Variants in USP47 observed in about 807,000 individuals in gnomAD.
The protein encoded by USP47 is ubiquitin carboxyl-terminal hydrolase 47.
Under a neutral mutation model 165.1 loss-of-function variants are expected in USP47, and 35 were observed. The observed-to-expected ratio is 0.21, with a 90% CI of 0.16 to 0.28. The LOEUF (loss-of-function observed/expected upper bound fraction) is 0.28, where lower values mean the gene tolerates loss of function less well. Ranked by LOEUF, USP47 falls within the 10% of genes least tolerant of loss-of-function variation. USP47 has a pLI of 1.00. For missense variants in USP47, 1,277 were observed against 1,607.4 expected (o/e 0.79, Z 3.52); for synonymous variants, 531 against 544.5 (o/e 0.98, Z 0.35).
chr11:11,938,202 G>A, intron 17 of USP47, 55 bp from the exon 18 acceptor site: 3 of 1,500,056 alleles, frequency 2.0e-6, no homozygotes, highest in Admixed American at 1.7e-5. Context: ...TTACTCATGT[G>A]AAATACATTA....
intron 1 of USP47, among the ~76,000 whole-genome samples, chr11:11,865,139 T>G (rs1056426529): frequency 2.0e-5 from 3 of 152,198 alleles, no homozygotes; most frequent in Admixed American, 2.0e-4. Flanking sequence ...TGGATTTCTT[T>G]AGGTTTACCT....
chr11:11,889,864 A>C (rs1013249873), intron 3 of USP47, among the ~76,000 whole-genome samples: 1 of 152,160 alleles, frequency 6.6e-6, no homozygotes, highest in African/African-American at 2.4e-5. Context: ...AGACACATAG[A>C]CCAATGGAAC....
chr11:11,922,159 A>T lies in USP47; in HGVS notation c.1219-565A>T, dbSNP rs1186988277. 4.3e-5 allele frequency among the ~76,000 whole-genome samples: 5 copies of T among 117,514 alleles called. No individual in the cohort carries two copies. The East Asian group carries it at 1.1e-3, about 25-fold the overall frequency. The allele number at this position is 117,514 out of a possible 152,430, so 77.1% of individuals were successfully genotyped here. A position where few individuals can be genotyped will look rare whatever the true frequency, so the allele number is the denominator to read the frequency against. ...AATTCTTCAAATTAAATTTGTGTGAATGTGGTTTAAAACCATAAAGTAGAA... is the reference window on the plus strand; with the variant it reads ...AATTCTTCAAATTAAATTTGTGTGATTGTGGTTTAAAACCATAAAGTAGAA... On this transcript the variant is annotated intron_variant, in intron 10 of 27. Coordinates refer to ENST00000527733, the MANE Select transcript of USP47 (RefSeq NM_001282659.2).
At position 11,905,512 on chromosome 11, in the gene USP47, C is replaced by T; in HGVS notation, c.933C>T (p.Ile311=). The change falls in exon 8 of 28, where the codon ATC becomes ATT. Residue 311 remains isoleucine, a synonymous_variant. Coordinates refer to ENST00000527733, the MANE Select transcript of USP47 (RefSeq NM_001282659.2). The stretch of plus-strand genomic sequence containing the variant: ...CATATCTTGATATTCCATTGGTCAT[C>T]CGACCTTATGGGTCCAGCCAAGCAT... The part of the protein sequence containing the change: ...IDTYLDIPLV[I]RPYGSSQAFA... 1 of 1,608,726 alleles carries T rather than the reference C, an allele frequency of 6.2e-7. No individual in the cohort carries two copies. The highest frequency in any genetic ancestry group is 8.5e-7 in the Non-Finnish European group (1 of 1,176,324).
At position 11,888,360 on chromosome 11, in the gene USP47, C is replaced by G. The variant is rs142554828; in HGVS notation, c.358-3608C>G. Among the ~76,000 whole-genome samples, 880 of 152,040 alleles carry G rather than the reference C, an allele frequency of 5.8e-3. 7 individuals are homozygous for G. The highest frequency in any genetic ancestry group is 0.02 in the African/African-American group (844 of 41,510). The stretch of plus-strand genomic sequence containing the variant: ...AAGAGAAGAATCAAATAAACACAAT[C>G]AGAAACGATAAGGGGGATATCACCA... On this transcript the variant is annotated intron_variant, in intron 3 of 27. Transcript: ENST00000527733.
At chr11:11,854,979 C>T (rs1338158003) in intron 1 of USP47, among the ~76,000 whole-genome samples, 1 of 151,022 alleles carries the variant, frequency 6.6e-6, no homozygotes, top group Non-Finnish European at 1.5e-5. Flanking sequence ...CCTGTAGTCC[C>T]AGCTACTCGG....
intron 1 of USP47, among the ~76,000 whole-genome samples, chr11:11,870,762 G>T (rs1278124331): frequency 1.3e-5 from 2 of 152,080 alleles, no homozygotes; most frequent in African/African-American, 2.4e-5. Flanking sequence ...TTTCTCTTTT[G>T]ATTCTTTTTC....
rs71037046 is a variant in USP47, at chr11:11,871,501, C to CAAAAAAAAAAA, written c.40-8649_40-8639dup. 4.9e-4 allele frequency among the ~76,000 whole-genome samples: 31 copies of CAAAAAAAAAAA among 63,154 alleles called. 1 individual carries two copies. The highest frequency in any genetic ancestry group is 8.7e-4 in the Non-Finnish European group (26 of 29,780). The allele number at this position is 63,154 out of a possible 152,430, so 41.4% of individuals were successfully genotyped here. ...CTGGCAACAGAGCGAAACTCCCTCT[C>CAAAAAAAAAAA]AAAAAAAAAAAAAAAAAAAAAAAAA... is the stretch of plus-strand genomic sequence containing the variant. On this transcript the variant is annotated intron_variant, in intron 1 of 27. Coordinates refer to ENST00000527733, the MANE Select transcript of USP47 (RefSeq NM_001282659.2).
At chr11:11,909,089 A>G (rs1852779960) in intron 8 of USP47, among the ~76,000 whole-genome samples, 1 of 152,184 alleles carries the variant, frequency 6.6e-6, no homozygotes. Context: ...TCTGAGGAAC[A>G]TAATATGGGA....
rs1855974168 is a variant in USP47 at position 11,948,188 on chromosome 11, T to C, written c.3267+68T>C. 5 of 1,500,232 alleles carry C rather than the reference T, an allele frequency of 3.3e-6. No individual in the cohort carries two copies. In the South Asian group the frequency reaches 6.8e-5, roughly 20 times the overall value. The allele number at this position is 1,500,232 out of a possible 1,614,324, so 92.9% of individuals were successfully genotyped here. A position where few individuals can be genotyped will look rare whatever the true frequency, so the allele number is the denominator to read the frequency against. ...TGATAGATTTGAGAACAGCTTTTAC[T>C]ACTTCCAAGTGAGGTGAAGTAGATA... is the stretch of plus-strand genomic sequence containing the variant. On this transcript the variant is annotated intron_variant, in intron 21 of 27. Coordinates refer to ENST00000527733, the MANE Select transcript of USP47 (RefSeq NM_001282659.2).
intron 1 of USP47, among the ~76,000 whole-genome samples, chr11:11,849,193 A>G (rs1437188839): frequency 6.6e-6 from 1 of 152,214 alleles, no homozygotes; most frequent in African/African-American, 2.4e-5. Flanking sequence ...GTGAGCCACC[A>G]TGCCCAGCCT....
intron 14 of USP47, among the ~76,000 whole-genome samples, chr11:11,931,007 A>G (rs942423395): frequency 6.6e-6 from 1 of 152,172 alleles, no homozygotes; most frequent in African/African-American, 2.4e-5. Flanking sequence ...TAGTAAGATT[A>G]TATTATGTGC....
chr11:11,952,726 C>A lies in USP47; in HGVS notation c.3584-15C>A. The stretch of plus-strand genomic sequence containing the variant: ...AGAGGAAATAGAATGATGACCTAAT[C>A]TTGCATATTCTTAGGGGTAGAGAAG... On this transcript the variant is annotated splice_polypyrimidine_tract_variant and intron_variant, in intron 24 of 27. Coordinates refer to ENST00000527733, the MANE Select transcript of USP47 (RefSeq NM_001282659.2). 2.5e-6 allele frequency: 4 copies of A among 1,574,844 alleles called. No homozygotes were observed. Among genetic ancestry groups the A allele is most frequent in the Non-Finnish European group, 3.4e-6 (4 of 1,160,806 alleles).
At position 11,916,620 on chromosome 11, in the gene USP47, G is replaced by A. The variant is rs187954444; in HGVS notation, c.970-3536G>A. 8.8e-4 allele frequency among the ~76,000 whole-genome samples: 133 copies of A among 151,946 alleles called. 1 individual carries two copies. The Middle Eastern group carries it at 0.014, about 16-fold the overall frequency. ...AAGATCTAATGAAGGACATTGAATGGAAATGAGATTTTTGTAAAAGTAAAA... is the reference window on the plus strand; with the variant it reads ...AAGATCTAATGAAGGACATTGAATGAAAATGAGATTTTTGTAAAAGTAAAA... On this transcript the variant is annotated intron_variant, in intron 8 of 27. Transcript: ENST00000527733.
chr11:11,842,006 G>GCGGAGC lies in USP47; in HGVS notation c.-178_-173dup, dbSNP rs1848145058. On this transcript the variant is annotated 5_prime_UTR_variant, in exon 1 of 28. Coordinates refer to ENST00000527733, the MANE Select transcript of USP47 (RefSeq NM_001282659.2). ...GGCTGTGGTAGCGGCGGCGGCGGCG[G>GCGGAGC]CGGAGCCCTGGGTCGGTGTCTGCGC... 1.6e-6 allele frequency: 1 copy of GCGGAGC among 607,060 alleles called. No homozygotes were observed. The allele number at this position is 607,060 out of a possible 1,614,324, so 37.6% of individuals were successfully genotyped here.
intron 1 of USP47, among the ~76,000 whole-genome samples, chr11:11,875,108 T>C (rs1407973695): frequency 6.6e-6 from 1 of 151,580 alleles, no homozygotes; most frequent in East Asian, 1.9e-4. Context: ...CATAATACTA[T>C]TATTTGCAAT....
At chr11:11,908,344 G>C (rs1376634317) in intron 8 of USP47, among the ~76,000 whole-genome samples, 1 of 151,522 alleles carries the variant, frequency 6.6e-6, no homozygotes, top group African/African-American at 2.4e-5. Flanking sequence ...TCGCTGTGTT[G>C]ACCAGGCTGG....
chr11:11,898,089 C>A (rs1851955288), intron 5 of USP47, among the ~76,000 whole-genome samples: 1 of 151,734 alleles, frequency 6.6e-6, no homozygotes, highest in Admixed American at 6.6e-5. Context: ...AGTTTTGTTT[C>A]TAATTAAAAT....
intron 13 of USP47, among the ~76,000 whole-genome samples, chr11:11,930,364 C>T (rs1265062503): frequency 6.6e-6 from 1 of 152,082 alleles, no homozygotes; most frequent in East Asian, 1.9e-4. Context: ...GACCATATGG[C>T]CTGCAAAGCC....
Sources: gnomAD v4.1 joint callset for allele counts (sites outside exome capture counted in the v4.1 genomes callset) on GRCh38, gnomAD v4.1.1 for gene constraint, MANE v1.5 for transcripts, NCBI Gene and HGNC (gene_info 2026-07-23, HGNC 2026-07-21) for gene names.